The following TRPC5 variants were observed in gnomAD, a reference collection of about 807,000 sequenced individuals.
TRPC5 encodes short transient receptor potential channel 5.
TRPC5 carries 9 observed loss-of-function variants against 56.5 expected under a neutral mutation model. The observed-to-expected ratio is 0.16, with a 90% CI of 0.10 to 0.28. TRPC5 has a LOEUF of 0.28. Ranked by LOEUF, TRPC5 falls within the 10% of genes least tolerant of loss-of-function variation. The pLI is 1.00. For synonymous variants in TRPC5, 282 were observed against 278.5 expected (o/e 1.01, Z -0.13); for missense variants, 469 against 748.9 (o/e 0.63, Z 4.36).
At chrX:112,067,559 G>T (rs1237494643) in intron 1 of TRPC5, among the ~76,000 whole-genome samples, 1 of 111,641 alleles carries the variant, frequency 9.0e-6, no homozygotes, top group African/African-American at 3.3e-5. Flanking sequence ...CCCTAGGTTG[G>T]TGGCAGGACT....
chrX:111,924,007 C>T (rs1157885724), intron 2 of TRPC5, among the ~76,000 whole-genome samples: 1 of 111,317 alleles, frequency 9.0e-6, no homozygotes, highest in Non-Finnish European at 1.9e-5. Flanking sequence ...AATTAAATTT[C>T]TCTTGTAGAT....
chrX:111,993,957 T>C (rs761060213), intron 1 of TRPC5, among the ~76,000 whole-genome samples: 183 of 112,318 alleles, frequency 1.6e-3, no homozygotes, highest in African/African-American at 5.4e-3. Flanking sequence ...TTTTGGTGTT[T>C]TAGTCATGAA....
intron 1 of TRPC5, among the ~76,000 whole-genome samples, chrX:111,994,419 G>GT (rs1329256760): frequency 9.0e-6 from 1 of 111,520 alleles, no homozygotes; most frequent in Non-Finnish European, 1.9e-5. Context: ...GTTTAAAGTA[G>GT]TTTTTTCCAA....
At chrX:111,872,143 C>A (rs1172881818) in intron 3 of TRPC5, among the ~76,000 whole-genome samples, 1 of 112,412 alleles carries the variant, frequency 8.9e-6, no homozygotes, top group East Asian at 2.8e-4. Flanking sequence ...GCTAAATAAA[C>A]CTCTATTCTT....
intron 7 of TRPC5, among the ~76,000 whole-genome samples, chrX:111,818,977 A>G (rs1412601649): frequency 8.9e-6 from 1 of 111,814 alleles, no homozygotes; most frequent in African/African-American, 3.3e-5. Context: ...CATTTTATAG[A>G]TTGGGAAACA....
At chrX:112,068,512 T>C (rs774102009) in intron 1 of TRPC5, among the ~76,000 whole-genome samples, 5 of 112,146 alleles carry the variant, frequency 4.5e-5, no homozygotes, top group African/African-American at 1.6e-4. Context: ...TCTCTATTTT[T>C]GAATGCTAGT....
At chrX:112,015,748 T>C (rs1929104927) in intron 1 of TRPC5, among the ~76,000 whole-genome samples, 1 of 111,016 alleles carries the variant, frequency 9.0e-6, no homozygotes, top group Admixed American at 9.6e-5. Context: ...AGTTACCAAG[T>C]ATCCATTTGC....
chrX:112,051,379 C>T (rs1392809029), intron 1 of TRPC5, among the ~76,000 whole-genome samples: 1 of 111,554 alleles, frequency 9.0e-6, no homozygotes, highest in African/African-American at 3.3e-5. Context: ...GGGGTGAATT[C>T]TGTTTTCTGC....
Position 111,777,806 on chromosome X carries a change from T to G in TRPC5, c.2233-804A>C, listed in dbSNP as rs1211395230. On this transcript the variant is annotated intron_variant, in intron 10 of 10. Coordinates refer to ENST00000262839, the MANE Select transcript of TRPC5 (RefSeq NM_012471.3). Reference sequence around the variant, plus strand: ...ATCTGGCTGGCTTTGCTTTCAAGCCTCAGCTTAAGCATCACTTCCATTGGA... The same window carrying G: ...ATCTGGCTGGCTTTGCTTTCAAGCCGCAGCTTAAGCATCACTTCCATTGGA... Among the ~76,000 whole-genome samples, 6 of 112,759 alleles carry G rather than the reference T, an allele frequency of 5.3e-5. No homozygotes were observed. In the East Asian group the frequency reaches 1.4e-3, roughly 26 times the overall value.
At chrX:112,035,068 G>C (rs7060242) in intron 1 of TRPC5, among the ~76,000 whole-genome samples, 1 of 99,721 alleles carries the variant, frequency 1.0e-5, no homozygotes, top group South Asian at 4.5e-4. Context: ...CTGTTGATTT[G>C]AAGTTTTCCT....
At chrX:112,074,732 G>T (rs958688507) in intron 1 of TRPC5, among the ~76,000 whole-genome samples, 5 of 111,883 alleles carry the variant, frequency 4.5e-5, no homozygotes, top group African/African-American at 1.6e-4. Flanking sequence ...CATGTCGAAA[G>T]TTCCTAGAGG....
At chrX:111,838,749 A>G (rs1441789309) in intron 6 of TRPC5, among the ~76,000 whole-genome samples, 1 of 111,691 alleles carries the variant, frequency 9.0e-6, no homozygotes, top group Non-Finnish European at 1.9e-5. Flanking sequence ...GAACTTGCAC[A>G]TGTTGGGAGC....
At chrX:112,056,404 G>T in intron 1 of TRPC5, among the ~76,000 whole-genome samples, 1 of 112,342 alleles carries the variant, frequency 8.9e-6, no homozygotes, top group Non-Finnish European at 1.9e-5. Flanking sequence ...TTTAAAAAGT[G>T]GTCTGTAATT....
At chrX:111,911,722 C>T (rs1925823175) in intron 3 of TRPC5, among the ~76,000 whole-genome samples, 1 of 112,099 alleles carries the variant, frequency 8.9e-6, no homozygotes, top group African/African-American at 3.2e-5. Flanking sequence ...TTTCATTGAC[C>T]TACAAACCTT....
rs780879081 is a variant in TRPC5, at chrX:111,865,011, C to A, written c.901-10905G>T. 1.5e-4 allele frequency among the ~76,000 whole-genome samples: 16 copies of A among 109,899 alleles called. No individual in the cohort carries two copies. The South Asian group carries it at 5.5e-3, about 38-fold the overall frequency. On this transcript the variant is annotated intron_variant, in intron 3 of 10. Coordinates refer to ENST00000262839, the MANE Select transcript of TRPC5 (RefSeq NM_012471.3). ...TATAGCAGCTTCTTCTTTTTTTTCT[C>A]TTTTTGAGACAGAGTACCGCTCTGT...
At chrX:112,012,042 G>A (rs1484663204) in intron 1 of TRPC5, among the ~76,000 whole-genome samples, 1 of 112,305 alleles carries the variant, frequency 8.9e-6, no homozygotes, top group Middle Eastern at 4.6e-3. Context: ...CTGTACTCAC[G>A]TATTTTCAGA....
At chrX:111,952,965 A>C in intron 1 of TRPC5, among the ~76,000 whole-genome samples, 1 of 112,039 alleles carries the variant, frequency 8.9e-6, no homozygotes, top group Middle Eastern at 4.6e-3. Flanking sequence ...TTAGTGATGC[A>C]AAGTTGGAAA....
chrX:112,076,267 CTG>C (rs1234640826), intron 1 of TRPC5, among the ~76,000 whole-genome samples: 2 of 111,254 alleles, frequency 1.8e-5, no homozygotes, highest in East Asian at 5.6e-4. Context: ...GTGTCTGTCT[CTG>C]TGTCTTTACA....
chrX:111,911,882 T>C (rs1925830322), intron 3 of TRPC5, among the ~76,000 whole-genome samples: 1 of 111,995 alleles, frequency 8.9e-6, no homozygotes, highest in South Asian at 3.8e-4. Context: ...ATAGGATCCT[T>C]TGTTATGTGC....
Sources: gnomAD v4.1 joint callset for allele counts (sites outside exome capture counted in the v4.1 genomes callset) on GRCh38, gnomAD v4.1.1 for gene constraint, MANE v1.5 for transcripts, NCBI Gene and HGNC (gene_info 2026-07-23, HGNC 2026-07-21) for gene names.